Variants in DGKG observed in about 807,000 individuals in gnomAD.
The protein encoded by DGKG is DAG kinase gamma.
Under a neutral mutation model 105.3 loss-of-function variants are expected in DGKG, and 78 were observed. That is an observed-to-expected ratio of 0.74 (90% CI 0.62 to 0.89). The LOEUF is 0.89. DGKG is among the 40% of genes least tolerant of loss of function. The probability of loss-of-function intolerance (pLI) is 0.00; values close to 1 mark genes in which losing one functional copy is unlikely to be tolerated. For synonymous variants in DGKG, 346 were observed against 367.1 expected (o/e 0.94, Z 0.66); for missense variants, 958 against 1,020.1 (o/e 0.94, Z 0.83).
At chr3:186,193,450 C>T (rs562473954) in intron 21 of DGKG, among the ~76,000 whole-genome samples, 1 of 152,364 alleles carries the variant, frequency 6.6e-6, no homozygotes, top group East Asian at 1.9e-4. Flanking sequence ...AACCTCTGTG[C>T]CATGAGGCAT....
chr3:186,262,157 G>A (rs115657446), intron 14 of DGKG, among the ~76,000 whole-genome samples: 1,746 of 152,222 alleles, frequency 0.011, 44 homozygotes, highest in African/African-American at 0.039. Flanking sequence ...AATAGCACTC[G>A]TGGAGTGAAC....
chr3:186,198,736 G>A (rs553098535), intron 21 of DGKG, among the ~76,000 whole-genome samples: 1 of 152,364 alleles, frequency 6.6e-6, no homozygotes, highest in East Asian at 1.9e-4. Flanking sequence ...AGGCAACGGG[G>A]AAGAAAAGGA....
chr3:186,253,720 C>T (rs1234836126), intron 17 of DGKG, among the ~76,000 whole-genome samples: 1 of 152,136 alleles, frequency 6.6e-6, no homozygotes, highest in African/African-American at 2.4e-5. Context: ...AATTCCAGAG[C>T]CAGGATTCAA....
intron 17 of DGKG, among the ~76,000 whole-genome samples, chr3:186,255,644 T>C (rs1027705174): frequency 1.3e-5 from 2 of 152,068 alleles, no homozygotes; most frequent in African/African-American, 4.8e-5. Flanking sequence ...GCTGGAAGGG[T>C]GCGCAGCAGC....
intron 24 of DGKG, chr3:186,161,197 T>TCTCGG: frequency 1.0e-6 from 1 of 1,001,650 alleles, no homozygotes; most frequent in Non-Finnish European, 1.2e-6. Flanking sequence ...AGTGTGTAGA[T>TCTCGG]TTGGCTTCCA....
intron 20 of DGKG, among the ~76,000 whole-genome samples, chr3:186,212,235 G>C (rs1200348945): frequency 6.6e-6 from 1 of 152,126 alleles, no homozygotes; most frequent in African/African-American, 2.4e-5. Flanking sequence ...ACAGTGCTCT[G>C]GCCACTGTCC....
intron 20 of DGKG, among the ~76,000 whole-genome samples, chr3:186,222,376 A>G (rs1001464531): frequency 6.6e-6 from 1 of 152,196 alleles, no homozygotes; most frequent in Non-Finnish European, 1.5e-5. Flanking sequence ...AGCTTACTGG[A>G]GCTGAAGGAG....
At chr3:186,184,110 C>T (rs570183899) in intron 22 of DGKG, among the ~76,000 whole-genome samples, 40 of 145,566 alleles carry the variant, frequency 2.7e-4, no homozygotes, top group Middle Eastern at 3.5e-3. Context: ...GAATTATAGG[C>T]GTAGGGACTT....
At chr3:186,311,138 C>T (rs1724522497) in intron 2 of DGKG, among the ~76,000 whole-genome samples, 1 of 152,084 alleles carries the variant, frequency 6.6e-6, no homozygotes, top group African/African-American at 2.4e-5. Flanking sequence ...AGGTCTTACC[C>T]CAGGTGAATT....
rs188587944 is a variant in DGKG at position 186,293,374 on chromosome 3, A to G, written c.373+4047T>C. Among the ~76,000 whole-genome samples the G allele has an allele frequency of 2.1e-3, 321 of 152,200 alleles. 1 individual carries two copies. The highest frequency in any genetic ancestry group is 3.3e-3 in the Non-Finnish European group (227 of 68,012). On this transcript the variant is annotated intron_variant, in intron 5 of 24. Coordinates refer to ENST00000265022, the MANE Select transcript of DGKG (RefSeq NM_001346.3). ...CTTACAATGTGAGTGTATTACTTTT[A>G]TAATTTGGAAAAACTAACACAAAAT...
At chr3:186,183,422 G>A (rs1560084375) in intron 22 of DGKG, among the ~76,000 whole-genome samples, 1 of 151,850 alleles carries the variant, frequency 6.6e-6, no homozygotes, top group Non-Finnish European at 1.5e-5. Flanking sequence ...ACAAGAGACT[G>A]TTTCTCACTA....
intron 22 of DGKG, among the ~76,000 whole-genome samples, chr3:186,184,947 C>T (rs1717550615): frequency 6.6e-6 from 1 of 152,080 alleles, no homozygotes; most frequent in African/African-American, 2.4e-5. Flanking sequence ...TAATTCTGTC[C>T]AAGAAAGAGT....
rs780990477 is a variant in DGKG, at chr3:186,257,843, C to T, written c.1510+11G>A. The T allele has an allele frequency of 1.9e-6, 3 of 1,608,394 alleles. No homozygotes were observed. Among genetic ancestry groups the T allele is most frequent in the Admixed American group, 1.7e-5 (1 of 59,998 alleles). ...AAATAAGCAGCAAACGCCCTCTCAGCCCATGCTTACCAATGCAATCCAAAA... is the reference window on the plus strand; with the variant it reads ...AAATAAGCAGCAAACGCCCTCTCAGTCCATGCTTACCAATGCAATCCAAAA... On this transcript the variant is annotated intron_variant, in intron 17 of 24. Coordinates refer to ENST00000265022, the MANE Select transcript of DGKG (RefSeq NM_001346.3).
chr3:186,154,368 C>T (rs1201576291), intron 24 of DGKG, among the ~76,000 whole-genome samples: 4 of 152,086 alleles, frequency 2.6e-5, no homozygotes, highest in Non-Finnish European at 5.9e-5. Context: ...CAAGGCCAGG[C>T]GCAGTGGCTC....
intron 14 of DGKG, among the ~76,000 whole-genome samples, chr3:186,264,603 T>A (rs1721955813): frequency 6.6e-6 from 1 of 152,222 alleles, no homozygotes; most frequent in African/African-American, 2.4e-5. Context: ...TATTCTCATT[T>A]AATCTTACAG....
Position 186,155,875 on chromosome 3 carries a change from G to A in DGKG, c.2278-5687C>T, listed in dbSNP as rs73887765. 1.9e-3 allele frequency among the ~76,000 whole-genome samples: 291 copies of A among 152,246 alleles called. 1 individual carries two copies. The highest frequency in any genetic ancestry group is 6.7e-3 in the African/African-American group (280 of 41,548). Reference sequence around the variant, plus strand: ...TGAAACATGGCATGCCTTTCTCACTGTTTTAATTTGAAAATCTTTTCTTCC... The same window carrying A: ...TGAAACATGGCATGCCTTTCTCACTATTTTAATTTGAAAATCTTTTCTTCC... On this transcript the variant is annotated intron_variant, in intron 24 of 24. Coordinates refer to ENST00000265022, the MANE Select transcript of DGKG (RefSeq NM_001346.3).
intron 6 of DGKG, among the ~76,000 whole-genome samples, chr3:186,287,326 A>G (rs1241070759): frequency 6.6e-6 from 1 of 152,210 alleles, no homozygotes; most frequent in Non-Finnish European, 1.5e-5. Context: ...AAATATTTAC[A>G]GATTATATGA....
intron 23 of DGKG, among the ~76,000 whole-genome samples, chr3:186,163,356 G>C (rs999779958): frequency 6.6e-6 from 1 of 152,180 alleles, no homozygotes; most frequent in Non-Finnish European, 1.5e-5. Flanking sequence ...CTCTGCAGAA[G>C]AGTTATGAAT....
chr3:186,287,142 T>C (rs577006245), intron 6 of DGKG, among the ~76,000 whole-genome samples: 2 of 152,262 alleles, frequency 1.3e-5, no homozygotes, highest in South Asian at 4.1e-4. Context: ...TGGTGATGTA[T>C]GAATTTTACT....
Sources: gnomAD v4.1 joint callset for allele counts (sites outside exome capture counted in the v4.1 genomes callset) on GRCh38, gnomAD v4.1.1 for gene constraint, MANE v1.5 for transcripts, NCBI Gene and HGNC (gene_info 2026-07-23, HGNC 2026-07-21) for gene names.